Variants in SHTN1 observed in about 807,000 individuals in gnomAD.
SHTN1 encodes the protein shootin 1, also known as shootin-1.
SHTN1 carries 42 observed loss-of-function variants against 83.1 expected under a neutral mutation model. That is an observed-to-expected ratio of 0.51 (90% CI 0.39 to 0.65). The LOEUF (loss-of-function observed/expected upper bound fraction) is 0.65. Among genes scored for constraint, SHTN1 ranks in the 30% least tolerant of loss-of-function variants. The pLI, the probability that SHTN1 is intolerant of heterozygous loss-of-function variation, is 0.00. For missense variants in SHTN1, 622 were observed against 737.8 expected, an observed-to-expected ratio of 0.84 and a Z score of 1.82; for synonymous variants, 224 against 247.7, an observed-to-expected ratio of 0.90 and a Z score of 0.90.
chr10:117,055,580 G>A (rs1376751565), intron 1 of SHTN1, among the ~76,000 whole-genome samples: 32 of 78,910 alleles, frequency 4.1e-4, no homozygotes. Context: ...CTTAAAAATG[G>A]TTAAGACCTG....
intron 16 of SHTN1, among the ~76,000 whole-genome samples, chr10:116,897,366 C>T (rs527490714): frequency 6.6e-6 from 1 of 152,278 alleles, no homozygotes; most frequent in Admixed American, 6.5e-5. Flanking sequence ...TTTTCCTAAC[C>T]GTGAACAGCT....
chr10:116,979,334 T>C (rs771227153), intron 1 of SHTN1, 26 bp from the exon 2 acceptor site: 1 of 1,602,342 alleles, frequency 6.2e-7, no homozygotes, highest in Non-Finnish European at 8.5e-7. Flanking sequence ...AAAGCAACAT[T>C]ACAACACTGT....
chr10:117,039,412 C>A (rs1852549831), intron 2 of SHTN1, among the ~76,000 whole-genome samples: 2 of 152,086 alleles, frequency 1.3e-5, no homozygotes, highest in South Asian at 4.1e-4. Flanking sequence ...GGATACGTAT[C>A]ATTATACATT....
chr10:117,022,199 A>G (rs914524047), intron 2 of SHTN1, among the ~76,000 whole-genome samples: 2 of 152,200 alleles, frequency 1.3e-5, no homozygotes, highest in Non-Finnish European at 2.9e-5. Context: ...TAAAAGGAAC[A>G]AACTACTTAC....
chr10:116,901,885 T>G lies in SHTN1; in HGVS notation c.1553A>C (p.Lys518Thr). The G allele has an allele frequency of 6.2e-7, 1 of 1,608,606 alleles. No homozygotes were observed. Among genetic ancestry groups the G allele is most frequent in the Non-Finnish European group, 8.5e-7 (1 of 1,178,244 alleles). Residue 518 changes from lysine (K) to threonine (T), a missense_variant, in exon 16 of 17, where the codon AAA becomes ACA. Lys to Thr is a moderately conservative substitution (Grantham distance 78, BLOSUM62 -1). Transcript: ENST00000355371. ...PVLGSVSSVTKTALNKKTLEA... is the reference protein window; with the variant it reads ...PVLGSVSSVTTTALNKKTLEA... ...CAGAGTTTTCTTGTTCAAGGCTGTT[T>G]TTGTTACACTGGATACAGAACCCAA...
At chr10:116,991,319 G>T (rs978252670) in intron 1 of SHTN1, among the ~76,000 whole-genome samples, 1 of 152,142 alleles carries the variant, frequency 6.6e-6, no homozygotes, top group Non-Finnish European at 1.5e-5. Context: ...TATCTGTGTT[G>T]CCATAAATGA....
In SHTN1 at chr10:117,112,399, G is replaced by T. The variant is rs186119635; in HGVS notation, c.-189+13908C>A. Among the ~76,000 whole-genome samples the T allele has an allele frequency of 3.6e-3, 545 of 152,234 alleles. 2 individuals carry two copies. Among genetic ancestry groups the T allele is most frequent in the Admixed American group, 6.4e-3 (98 of 15,278 alleles). ...ACAAAGGTTGGTATCACATATTAAA[G>T]CCTTTTCCTCCCACCACCAATAGAG... is the stretch of plus-strand genomic sequence containing the variant. On this transcript the variant is annotated intron_variant, in intron 1 of 17. Coordinates refer to the SHTN1 transcript ENST00000392901.
chr10:117,034,364 G>A (rs955196145), intron 2 of SHTN1, among the ~76,000 whole-genome samples: 3 of 152,112 alleles, frequency 2.0e-5, no homozygotes, highest in Admixed American at 6.6e-5. Context: ...ACATATGGCC[G>A]GGCATGGTGG....
At chr10:116,974,727 T>C (rs1043112857) in intron 2 of SHTN1, among the ~76,000 whole-genome samples, 4 of 152,104 alleles carry the variant, frequency 2.6e-5, no homozygotes, top group Non-Finnish European at 4.4e-5. Flanking sequence ...TCTTCTATTA[T>C]ACAGATTTCC....
chr10:117,118,130 A>T (rs79535654), intron 1 of SHTN1, among the ~76,000 whole-genome samples: 1 of 152,192 alleles, frequency 6.6e-6, no homozygotes, highest in Non-Finnish European at 1.5e-5. Context: ...AAATATTTGG[A>T]AACTGTCCAT....
At chr10:117,049,721 T>G (rs1166918462) in intron 1 of SHTN1, among the ~76,000 whole-genome samples, 1 of 152,090 alleles carries the variant, frequency 6.6e-6, no homozygotes, top group South Asian at 2.1e-4. Context: ...TAAGAGAGGC[T>G]TGGATGAAGG....
intron 7 of SHTN1, among the ~76,000 whole-genome samples, chr10:116,947,961 T>C (rs1241229443): frequency 1.3e-5 from 2 of 152,192 alleles, no homozygotes; most frequent in African/African-American, 4.8e-5. Context: ...AAATTCCCAG[T>C]TGATGAATCA....
intron 1 of SHTN1, among the ~76,000 whole-genome samples, chr10:117,075,198 G>A (rs1853135255): frequency 6.6e-6 from 1 of 152,012 alleles, no homozygotes; most frequent in African/African-American, 2.4e-5. Flanking sequence ...TTGCTTTATT[G>A]TAGTTACTCT....
At chr10:117,099,957 C>T (rs1443678352) in intron 1 of SHTN1, among the ~76,000 whole-genome samples, 2 of 152,048 alleles carry the variant, frequency 1.3e-5, no homozygotes, top group Non-Finnish European at 2.9e-5. Flanking sequence ...GTGGGTGGAT[C>T]ATCTGAGGTC....
At chr10:116,966,916 G>A (rs1322496057) in intron 3 of SHTN1, among the ~76,000 whole-genome samples, 1 of 152,112 alleles carries the variant, frequency 6.6e-6, no homozygotes, top group Non-Finnish European at 1.5e-5. Context: ...GCAAATAAGA[G>A]GTATTTCTAG....
chr10:116,989,560 A>G (rs1739274864), intron 1 of SHTN1, among the ~76,000 whole-genome samples: 4 of 152,170 alleles, frequency 2.6e-5, no homozygotes, highest in African/African-American at 9.7e-5. Context: ...TTCCTGCCTA[A>G]AAACAGGATA....
chr10:117,100,614 C>T (rs968717593), intron 1 of SHTN1, among the ~76,000 whole-genome samples: 2 of 152,114 alleles, frequency 1.3e-5, no homozygotes, highest in Non-Finnish European at 2.9e-5. Flanking sequence ...GTGGACAGTG[C>T]CACAGGAAGA....
intron 1 of SHTN1, among the ~76,000 whole-genome samples, chr10:117,102,146 G>A (rs1166646746): frequency 6.6e-6 from 1 of 151,986 alleles, no homozygotes; most frequent in African/African-American, 2.4e-5. Flanking sequence ...AACAGACCCT[G>A]CTGTTTTCTG....
intron 9 of SHTN1, 137 bp downstream of exon 9, chr10:116,940,329 G>A (rs1373177110): frequency 2.5e-6 from 2 of 814,398 alleles, no homozygotes; most frequent in African/African-American, 3.5e-5. Flanking sequence ...AAAGGTGGTT[G>A]AAAGCACTTA....
Sources: allele counts gnomAD v4.1 joint callset (sites outside exome capture counted in the v4.1 genomes callset), GRCh38; gene constraint gnomAD v4.1.1; transcripts MANE v1.5; gene names NCBI Gene and HGNC (gene_info 2026-07-23, HGNC 2026-07-21).